DGLUCY: variants seen among roughly 807,000 people sequenced by gnomAD.
The protein encoded by DGLUCY is D-glutamate cyclase, mitochondrial.
A neutral mutation model predicts 58.5 loss-of-function variants in DGLUCY; 58 were observed. That is an observed-to-expected ratio of 0.99 (90% CI 0.80 to 1.23). The LOEUF is 1.23. DGLUCY is among the 50% of genes most tolerant of loss of function. DGLUCY has a pLI of 0.00. For synonymous variants in DGLUCY, 325 were observed against 314.1 expected, an observed-to-expected ratio of 1.03 and a Z score of -0.37; for missense variants, 779 against 784.7, an observed-to-expected ratio of 0.99 and a Z score of 0.09.
At chr14:91,195,669 T>G (rs919834952) in intron 9 of DGLUCY, among the ~76,000 whole-genome samples, 3 of 144,416 alleles carry the variant, frequency 2.1e-5, no homozygotes, top group African/African-American at 7.8e-5. Context: ...TTTTGGGTTT[T>G]GTTTTTTTTT....
intron 1 of DGLUCY, among the ~76,000 whole-genome samples, chr14:91,125,340 G>A (rs897956414): frequency 5.3e-5 from 8 of 152,190 alleles, no homozygotes; most frequent in African/African-American, 1.7e-4. Context: ...GAATGGCTGC[G>A]ATCCTGTCTC....
chr14:91,136,020 C>T (rs2046317693), intron 1 of DGLUCY, among the ~76,000 whole-genome samples: 2 of 149,260 alleles, frequency 1.3e-5, no homozygotes, highest in East Asian at 2.0e-4. Context: ...CTGCAGGCTC[C>T]GCCTCCCAGG....
At chr14:91,172,711 A>G (rs1195619856) in intron 5 of DGLUCY, among the ~76,000 whole-genome samples, 1 of 149,248 alleles carries the variant, frequency 6.7e-6, no homozygotes, top group Non-Finnish European at 1.5e-5. Flanking sequence ...CAATGGTGTG[A>G]TTTCGGCTCA....
At chr14:91,112,834 A>G (rs964179558), upstream of DGLUCY, among the ~76,000 whole-genome samples, 24 of 151,864 alleles carry the variant, frequency 1.6e-4, no homozygotes, top group African/African-American at 5.8e-4. Context: ...CCTGGCTAAC[A>G]CGGTGAAACC....
chr14:91,205,338 C>G (rs1196698215), intron 12 of DGLUCY, among the ~76,000 whole-genome samples: 1 of 152,152 alleles, frequency 6.6e-6, no homozygotes, highest in Non-Finnish European at 1.5e-5. Flanking sequence ...TTGGGCTGCC[C>G]TGTGCCTCCC....
At chr14:91,097,222 C>T (rs2044409482) in intron 1 of DGLUCY, among the ~76,000 whole-genome samples, 2 of 152,054 alleles carry the variant, frequency 1.3e-5, no homozygotes, top group Non-Finnish European at 2.9e-5. Context: ...TATGGTGAAA[C>T]CCTGTCTATA....
intron 2 of DGLUCY, among the ~76,000 whole-genome samples, chr14:91,158,484 C>A (rs1201663397): frequency 6.6e-6 from 1 of 152,214 alleles, no homozygotes; most frequent in East Asian, 1.9e-4. Flanking sequence ...CATGTAATCT[C>A]AAATTCTTTG....
At chr14:91,129,770 C>T (rs2045930199) in intron 1 of DGLUCY, among the ~76,000 whole-genome samples, 1 of 152,016 alleles carries the variant, frequency 6.6e-6, no homozygotes, top group South Asian at 2.1e-4. Context: ...CCTCAGCCTC[C>T]CTAGTAGCTG....
intron 1 of DGLUCY, among the ~76,000 whole-genome samples, chr14:91,136,644 C>T (rs527321224): frequency 4.0e-5 from 6 of 150,708 alleles, no homozygotes; most frequent in African/African-American, 1.5e-4. Context: ...AGACATACCA[C>T]TGCCCTATAG....
At chr14:91,145,035 T>C (rs948457507) in intron 1 of DGLUCY, among the ~76,000 whole-genome samples, 8 of 152,146 alleles carry the variant, frequency 5.3e-5, no homozygotes, top group Admixed American at 3.3e-4. Flanking sequence ...CCTCCTATTA[T>C]AGAGCCTAAT....
intron 1 of DGLUCY, among the ~76,000 whole-genome samples, chr14:91,133,193 G>A (rs1470343425): frequency 6.6e-6 from 1 of 152,004 alleles, no homozygotes; most frequent in African/African-American, 2.4e-5. Context: ...TACTTGGGGG[G>A]CTGAGGCAGG....
chr14:91,149,179 G>A (rs1237923104), intron 1 of DGLUCY, among the ~76,000 whole-genome samples: 1 of 150,652 alleles, frequency 6.6e-6, no homozygotes, highest in Non-Finnish European at 1.5e-5. Context: ...CCCGTGCGGC[G>A]GAGGTTGCTG....
chr14:91,098,139 A>G (rs765842189), intron 1 of DGLUCY, among the ~76,000 whole-genome samples: 2 of 152,216 alleles, frequency 1.3e-5, no homozygotes, highest in Non-Finnish European at 1.5e-5. Flanking sequence ...CAGAGATGAT[A>G]GTAAAACATC....
In DGLUCY at chr14:91,160,417, TA is replaced by T. The variant is rs34785372; in HGVS notation, c.103+44del. 0.33 allele frequency: 190,431 copies of T among 572,888 alleles called. 26,083 individuals are homozygous for T. Among genetic ancestry groups the T allele is most frequent in the African/African-American group, 0.45 (15,318 of 34,292 alleles). The allele number at this position is 572,888 out of a possible 1,614,324, so 35.5% of individuals were successfully genotyped here. ...CTGGAGGTAAGTGGTGCCAGATAGT[TA>T]AAAAAAAAAAAAAAAAAAAAAAAGA... On this transcript the variant is annotated intron_variant, in intron 3 of 13. Coordinates refer to ENST00000256324, the MANE Select transcript of DGLUCY (RefSeq NM_001102368.3).
chr14:91,224,822 G>A lies in DGLUCY; in HGVS notation c.1855G>A (p.Ala619Thr). Residue 619 changes from alanine to threonine, a missense_variant, in exon 14 of 14, where the codon GCA becomes ACA. Physicochemically the swap from Ala to Thr is moderately conservative, Grantham distance 58 (BLOSUM62 0). Transcript: ENST00000256324. ...CCAGAAGCTGGTGGACGTCACCACG[G>A]CACAGGTGTAACCGTCCATGTTCCG... is the stretch of plus-strand genomic sequence containing the variant. ...MIQKLVDVTT[A>T]QV 1 of 1,611,816 alleles carries A rather than the reference G, an allele frequency of 6.2e-7. No individual in the cohort carries two copies. The highest frequency in any genetic ancestry group is 1.7e-4 in the Middle Eastern group (1 of 5,988).
At chr14:91,133,781 C>T (rs2046172150) in intron 1 of DGLUCY, among the ~76,000 whole-genome samples, 1 of 152,172 alleles carries the variant, frequency 6.6e-6, no homozygotes, top group Admixed American at 6.6e-5. Flanking sequence ...GTTCCAGTTA[C>T]TCCGTGTCCT....
At chr14:91,162,358 G>C (rs571522755) in intron 3 of DGLUCY, among the ~76,000 whole-genome samples, 582 of 152,296 alleles carry the variant, frequency 3.8e-3, no homozygotes, top group Non-Finnish European at 6.3e-3. Flanking sequence ...TATCTACAAA[G>C]AAAAGTGTTA....
intron 4 of DGLUCY, 78 bp from the exon 5 acceptor site, chr14:91,169,925 C>T (rs2048478993): frequency 1.7e-5 from 24 of 1,441,058 alleles, no homozygotes; most frequent in Admixed American, 5.2e-5. Context: ...CTTCTCTCTC[C>T]GCAGTCCTTC....
chr14:91,115,146 G>A (rs1312014602), intron 1 of DGLUCY: 1 of 152,754 alleles, frequency 6.5e-6, no homozygotes, highest in Non-Finnish European at 1.5e-5. Context: ...AGGGCAGCAG[G>A]TTGAGATTAT....
Sources: allele counts gnomAD v4.1 joint callset (sites outside exome capture counted in the v4.1 genomes callset), GRCh38; gene constraint gnomAD v4.1.1; transcripts MANE v1.5; gene names NCBI Gene and HGNC (gene_info 2026-07-23, HGNC 2026-07-21).